Variants in TAFA1 observed in about 807,000 individuals in gnomAD.
TAFA1 encodes the protein TAFA chemokine like family member 1.
In TAFA1, 4 loss-of-function variants were observed where a neutral mutation model predicts 18.5. The observed-to-expected ratio is 0.22, with a 90% CI of 0.11 to 0.49. The LOEUF (loss-of-function observed/expected upper bound fraction) is 0.49, where lower values mean the gene tolerates loss of function less well. Ranked by LOEUF, TAFA1 falls within the 20% of genes least tolerant of loss-of-function variation. TAFA1 has a pLI of 0.98. For missense variants in TAFA1, 147 were observed against 169.0 expected (o/e 0.87, Z 0.72); for synonymous variants, 56 against 55.2 (o/e 1.01, Z -0.06).
intron 2 of TAFA1, among the ~76,000 whole-genome samples, chr3:68,369,422 T>G (rs1201980990): frequency 1.3e-5 from 2 of 152,192 alleles, no homozygotes; most frequent in Admixed American, 6.5e-5. Context: ...AATTTTCAAT[T>G]TATTCTTTGC....
intron 2 of TAFA1, among the ~76,000 whole-genome samples, chr3:68,048,626 C>T (rs572875779): frequency 2.6e-5 from 4 of 152,076 alleles, no homozygotes; most frequent in South Asian, 2.1e-4. Flanking sequence ...TCCCAGCCTC[C>T]GGTAATCATC....
intron 2 of TAFA1, among the ~76,000 whole-genome samples, chr3:68,347,627 C>T (rs1026082783): frequency 6.6e-6 from 1 of 152,186 alleles, no homozygotes; most frequent in Non-Finnish European, 1.5e-5. Context: ...CATGGTTGTG[C>T]TCCAAAAGAA....
intron 2 of TAFA1, among the ~76,000 whole-genome samples, chr3:68,232,092 T>C (rs1003188071): frequency 6.6e-6 from 1 of 152,162 alleles, no homozygotes; most frequent in Non-Finnish European, 1.5e-5. Flanking sequence ...CTCTTCTAGA[T>C]ACTTGAAAAT....
intron 2 of TAFA1, among the ~76,000 whole-genome samples, chr3:68,200,773 TATC>T (rs1376954493): frequency 6.6e-6 from 1 of 151,604 alleles, no homozygotes; most frequent in African/African-American, 2.4e-5. Flanking sequence ...GCTAGAGGAT[TATC>T]ATTTTAATTA....
At chr3:68,008,618 G>A (rs1218862280) in intron 2 of TAFA1, among the ~76,000 whole-genome samples, 1 of 152,176 alleles carries the variant, frequency 6.6e-6, no homozygotes, top group Non-Finnish European at 1.5e-5. Flanking sequence ...GCCAGAGCCT[G>A]TGTCCTCAGG....
In TAFA1 at chr3:68,113,233, G is replaced by A. The variant is rs75865606; in HGVS notation, c.118+106489G>A. Among the ~76,000 whole-genome samples, 1,099 of 152,256 alleles carry A rather than the reference G, an allele frequency of 7.2e-3. 4 individuals carry two copies. The highest frequency in any genetic ancestry group is 0.012 in the Admixed American group (176 of 15,290). Reference sequence around the variant, plus strand: ...GTGAGGATAGGCAAAGATTGCTATAGAACAGAATGGATTTCTGCAATAAAC... The same window carrying A: ...GTGAGGATAGGCAAAGATTGCTATAAAACAGAATGGATTTCTGCAATAAAC... On this transcript the variant is annotated intron_variant, in intron 2 of 4. Coordinates refer to ENST00000478136, the MANE Select transcript of TAFA1 (RefSeq NM_213609.4).
intron 2 of TAFA1, among the ~76,000 whole-genome samples, chr3:68,375,746 A>G (rs1051172344): frequency 1.3e-5 from 2 of 152,186 alleles, no homozygotes; most frequent in African/African-American, 4.8e-5. Flanking sequence ...TACATAGTTT[A>G]CATACACAAG....
intron 3 of TAFA1, among the ~76,000 whole-genome samples, chr3:68,515,877 C>G (rs375640620): frequency 9.2e-5 from 14 of 152,260 alleles, no homozygotes; most frequent in East Asian, 3.9e-4. Flanking sequence ...ACTGTGAACA[C>G]GAGCTCCTCT....
intron 3 of TAFA1, among the ~76,000 whole-genome samples, chr3:68,455,100 A>C (rs2071636976): frequency 6.6e-6 from 1 of 152,196 alleles, no homozygotes. Flanking sequence ...AGAGAAAAGA[A>C]AATATTATTA....
chr3:68,536,683 G>A (rs2073283390), intron 3 of TAFA1, among the ~76,000 whole-genome samples: 1 of 152,168 alleles, frequency 6.6e-6, no homozygotes, highest in Non-Finnish European at 1.5e-5. Context: ...TTTGCATTGA[G>A]TGAATCTAGT....
At chr3:68,132,122 C>G (rs2065547380) in intron 2 of TAFA1, among the ~76,000 whole-genome samples, 2 of 152,100 alleles carry the variant, frequency 1.3e-5, no homozygotes, top group South Asian at 4.2e-4. Context: ...TGAGTGAGAA[C>G]AAGTGGTGTT....
intron 2 of TAFA1, among the ~76,000 whole-genome samples, chr3:68,243,136 C>A (rs2067022968): frequency 6.6e-6 from 1 of 151,822 alleles, no homozygotes; most frequent in South Asian, 2.1e-4. Context: ...ATCTCTTTAA[C>A]TTTTTATTTT....
chr3:68,140,733 C>T (rs1194567406), intron 2 of TAFA1, among the ~76,000 whole-genome samples: 20 of 152,184 alleles, frequency 1.3e-4, no homozygotes, highest in Admixed American at 1.2e-3. Context: ...ATTGAAGGTA[C>T]TCAGTGGCAA....
chr3:68,384,461 G>A (rs995515709), intron 2 of TAFA1, among the ~76,000 whole-genome samples: 3 of 152,024 alleles, frequency 2.0e-5, no homozygotes, highest in African/African-American at 4.8e-5. Context: ...CAATGTAAAT[G>A]TACTTGTATG....
At chr3:68,471,951 C>T (rs189489008) in intron 3 of TAFA1, among the ~76,000 whole-genome samples, 8 of 152,082 alleles carry the variant, frequency 5.3e-5, no homozygotes, top group African/African-American at 1.9e-4. Flanking sequence ...TAGGTGGAAG[C>T]GACTTGCCTA....
At chr3:68,291,723 A>T (rs2068113231) in intron 2 of TAFA1, among the ~76,000 whole-genome samples, 1 of 152,154 alleles carries the variant, frequency 6.6e-6, no homozygotes, top group African/African-American at 2.4e-5. Context: ...TGTTAAAAAA[A>T]TTTTCAAAGT....
At chr3:68,107,193 T>C (rs78235716) in intron 2 of TAFA1, among the ~76,000 whole-genome samples, 2 of 152,168 alleles carry the variant, frequency 1.3e-5, no homozygotes, top group East Asian at 1.9e-4. Flanking sequence ...ACTGCAGGAA[T>C]TGGCAAATGC....
intron 2 of TAFA1, among the ~76,000 whole-genome samples, chr3:68,107,430 A>G (rs1236428446): frequency 6.6e-6 from 1 of 152,190 alleles, no homozygotes; most frequent in Non-Finnish European, 1.5e-5. Flanking sequence ...TATTACATTT[A>G]TAAATGAAAT....
At chr3:68,069,423 C>G (rs938422689) in intron 2 of TAFA1, among the ~76,000 whole-genome samples, 2 of 152,162 alleles carry the variant, frequency 1.3e-5, no homozygotes, top group African/African-American at 4.8e-5. Context: ...AAGACCTGCT[C>G]CCATGATTCA....
Sources: allele counts gnomAD v4.1 joint callset (sites outside exome capture counted in the v4.1 genomes callset), GRCh38; gene constraint gnomAD v4.1.1; transcripts MANE v1.5; gene names NCBI Gene and HGNC (gene_info 2026-07-23, HGNC 2026-07-21).